Variants in FERMT2 observed in about 807,000 individuals in gnomAD.
The protein encoded by FERMT2 is fermitin family homolog 2.
Under a neutral mutation model 82.7 loss-of-function variants are expected in FERMT2, and 15 were observed. The ratio of observed to expected loss-of-function variants is 0.18; its 90% CI spans 0.12 to 0.28. The LOEUF (loss-of-function observed/expected upper bound fraction) is 0.28, where lower values mean the gene tolerates loss of function less well. FERMT2 is among the 10% of genes least tolerant of loss of function. The pLI, the probability that FERMT2 is intolerant of heterozygous loss-of-function variation, is 1.00. For missense variants in FERMT2, 645 were observed against 809.4 expected (o/e 0.80, Z 2.46); for synonymous variants, 274 against 271.5 (o/e 1.01, Z -0.09).
chr14:52,910,312 T>C (rs559186865), intron 3 of FERMT2, among the ~76,000 whole-genome samples: 1 of 152,194 alleles, frequency 6.6e-6, no homozygotes, highest in Non-Finnish European at 1.5e-5. Context: ...TGAATTAGCA[T>C]GTATCTAAAG....
intron 3 of FERMT2, among the ~76,000 whole-genome samples, chr14:52,908,819 G>C (rs902517430): frequency 6.6e-6 from 1 of 152,142 alleles, no homozygotes; most frequent in African/African-American, 2.4e-5. Context: ...TGGCTTATAA[G>C]ACGCCCCTTG....
intron 3 of FERMT2, among the ~76,000 whole-genome samples, chr14:52,909,647 G>T (rs1888202197): frequency 6.6e-6 from 1 of 152,186 alleles, no homozygotes; most frequent in African/African-American, 2.4e-5. Context: ...AGTTAGCCAG[G>T]TGTGGTGGCG....
At chr14:52,901,778 C>T (rs565202752) in intron 3 of FERMT2, among the ~76,000 whole-genome samples, 3 of 152,284 alleles carry the variant, frequency 2.0e-5, no homozygotes, top group South Asian at 2.1e-4. Flanking sequence ...CAGGAAGGAA[C>T]GCAGCCCTGC....
At chr14:52,920,262 ACT>A (rs1888881034) in intron 2 of FERMT2, among the ~76,000 whole-genome samples, 1 of 152,198 alleles carries the variant, frequency 6.6e-6, no homozygotes, top group Non-Finnish European at 1.5e-5. Context: ...GCTGGGATCA[ACT>A]GTATGTTAAA....
intron 7 of FERMT2, among the ~76,000 whole-genome samples, chr14:52,876,855 C>T (rs1291969808): frequency 2.0e-5 from 3 of 152,178 alleles, no homozygotes; most frequent in Non-Finnish European, 4.4e-5. Flanking sequence ...TAGTTGGCTT[C>T]CTACAACCTT....
At chr14:52,873,425 A>G (rs995842260) in intron 9 of FERMT2, among the ~76,000 whole-genome samples, 19 of 152,202 alleles carry the variant, frequency 1.2e-4, no homozygotes, top group African/African-American at 4.1e-4. Context: ...TGCCACTCCA[A>G]TATCAAACAC....
chr14:52,892,777 A>G (rs1200887506), intron 4 of FERMT2, among the ~76,000 whole-genome samples: 3 of 152,148 alleles, frequency 2.0e-5, no homozygotes, highest in Non-Finnish European at 4.4e-5. Context: ...TTTAAGGAAT[A>G]ATGCATTAAC....
chr14:52,881,928 G>A lies in FERMT2; in HGVS notation c.527-459C>T, dbSNP rs540955441. Reference sequence around the variant, plus strand: ...AAGAAAATGAGAAAAAGAAAAAACAGATTTTCCCTAATTGTGAATCATAAA... The same window carrying A: ...AAGAAAATGAGAAAAAGAAAAAACAAATTTTCCCTAATTGTGAATCATAAA... On this transcript the variant is annotated intron_variant, in intron 4 of 14. Coordinates refer to ENST00000341590, the MANE Select transcript of FERMT2 (RefSeq NM_006832.3). 28 of 468,118 alleles carry A rather than the reference G, an allele frequency of 6.0e-5. No individual in the cohort carries two copies. The East Asian group carries it at 2.0e-3, about 33-fold the overall frequency. 29.0% of individuals were successfully genotyped at this position (468,118 alleles called of 1,614,324 possible).
intron 2 of FERMT2, among the ~76,000 whole-genome samples, chr14:52,947,354 C>T (rs1321856555): frequency 6.6e-6 from 1 of 152,144 alleles, no homozygotes; most frequent in Admixed American, 6.5e-5. Flanking sequence ...TGGCGGGTGT[C>T]TGTAGTCCCA....
chr14:52,949,687 A>T (rs1042303501), intron 2 of FERMT2, among the ~76,000 whole-genome samples: 3 of 152,238 alleles, frequency 2.0e-5, no homozygotes, highest in African/African-American at 7.2e-5. Context: ...TTTAAATCGG[A>T]TATCAATCCA....
At chr14:52,861,244 A>G (rs1361010045) in intron 12 of FERMT2, 5 of 550,530 alleles carry the variant, frequency 9.1e-6, no homozygotes, top group Non-Finnish European at 1.3e-5. Flanking sequence ...ATTACTTTCC[A>G]TTTAGAACAC....
Position 52,864,581 on chromosome 14 carries a change from G to A in FERMT2, c.1422C>T (p.Ala474=), listed in dbSNP as rs757757441. The part of the protein sequence containing the change: ...YAHWMAACRL[A]SKGKTMADSS... ...TGTCCGCCATGGTCTTGCCTTTGGA[G>A]GCTAATCTGCAGGCTGCCATCCAGT... Residue 474 remains alanine (A), a synonymous_variant, in exon 12 of 15, where the codon GCC becomes GCT. Transcript: ENST00000341590. The A allele has an allele frequency of 1.4e-5, 22 of 1,614,050 alleles. No homozygotes were observed. Among genetic ancestry groups the A allele is most frequent in the Non-Finnish European group, 1.8e-5 (21 of 1,180,040 alleles).
chr14:52,895,269 TTAA>T (rs1887192550), intron 3 of FERMT2, among the ~76,000 whole-genome samples: 2 of 152,206 alleles, frequency 1.3e-5, no homozygotes, highest in African/African-American at 2.4e-5. Flanking sequence ...GGTAGGACTA[TTAA>T]ATGAGACAAT....
intron 4 of FERMT2, among the ~76,000 whole-genome samples, chr14:52,884,150 C>T (rs1451826195): frequency 1.3e-5 from 2 of 152,212 alleles, no homozygotes; most frequent in African/African-American, 4.8e-5. Context: ...TTAATCACTT[C>T]GTTGTTCTTA....
At chr14:52,870,118 T>C (rs1885524455) in intron 10 of FERMT2, among the ~76,000 whole-genome samples, 2 of 152,096 alleles carry the variant, frequency 1.3e-5, no homozygotes, top group South Asian at 4.2e-4. Flanking sequence ...AGAAAGAAAA[T>C]TATTGAATAA....
intron 10 of FERMT2, among the ~76,000 whole-genome samples, chr14:52,871,061 G>T (rs1376656743): frequency 6.6e-6 from 1 of 152,184 alleles, no homozygotes; most frequent in Non-Finnish European, 1.5e-5. Flanking sequence ...TGCCAAGGGT[G>T]GCGCAACCTT....
intron 4 of FERMT2, among the ~76,000 whole-genome samples, chr14:52,883,525 T>C (rs1886410084): frequency 1.3e-5 from 2 of 152,228 alleles, no homozygotes; most frequent in South Asian, 4.1e-4. Flanking sequence ...TTACGAAGAA[T>C]GTCAGTATAC....
intron 3 of FERMT2, among the ~76,000 whole-genome samples, chr14:52,911,324 G>A (rs940088379): frequency 6.6e-6 from 1 of 151,920 alleles, no homozygotes; most frequent in Admixed American, 6.6e-5. Flanking sequence ...AAAAATATAA[G>A]AGCCTAATTA....
intron 4 of FERMT2, among the ~76,000 whole-genome samples, chr14:52,891,218 A>T (rs539613423): frequency 1.3e-5 from 2 of 152,222 alleles, no homozygotes; most frequent in South Asian, 4.2e-4. Flanking sequence ...TGTTAGTATC[A>T]TTCTTTCTGC....
Sources: allele counts gnomAD v4.1 joint callset (sites outside exome capture counted in the v4.1 genomes callset), GRCh38; gene constraint gnomAD v4.1.1; transcripts MANE v1.5; gene names NCBI Gene and HGNC (gene_info 2026-07-23, HGNC 2026-07-21).